DOCK4: variants seen among roughly 807,000 people sequenced by gnomAD.
DOCK4 encodes the protein dedicator of cytokinesis protein 4.
In DOCK4, 97 loss-of-function variants were observed where a neutral mutation model predicts 268.1. The ratio of observed to expected loss-of-function variants is 0.36; its 90% CI spans 0.31 to 0.43. DOCK4 has a LOEUF of 0.43. Among genes scored for constraint, DOCK4 ranks in the 20% least tolerant of loss-of-function variants. The probability of loss-of-function intolerance (pLI) is 1.00; values close to 1 mark genes in which losing one functional copy is unlikely to be tolerated. For synonymous variants in DOCK4, 954 were observed against 887.2 expected (o/e 1.08, Z -1.34); for missense variants, 2,145 against 2,455.7 (o/e 0.87, Z 2.67).
chr7:111,748,215 T>C (rs1796402134), intron 42 of DOCK4, among the ~76,000 whole-genome samples: 1 of 152,150 alleles, frequency 6.6e-6, no homozygotes, highest in Non-Finnish European at 1.5e-5. Flanking sequence ...TATTGGTTCA[T>C]TCAGGCAAGG....
At chr7:112,031,662 A>T (rs1393444193) in intron 1 of DOCK4, among the ~76,000 whole-genome samples, 10 of 152,160 alleles carry the variant, frequency 6.6e-5, no homozygotes, top group Non-Finnish European at 2.9e-5. Flanking sequence ...CTTTTTTGAA[A>T]GAGAATTTGC....
At chr7:112,201,331 G>T (rs1820916673) in intron 1 of DOCK4, among the ~76,000 whole-genome samples, 1 of 152,134 alleles carries the variant, frequency 6.6e-6, no homozygotes, top group Admixed American at 6.5e-5. Context: ...TTTATGTGAT[G>T]ACTGAGTGAT....
intron 12 of DOCK4, among the ~76,000 whole-genome samples, chr7:111,925,282 G>A (rs993514282): frequency 1.3e-5 from 2 of 152,144 alleles, no homozygotes; most frequent in African/African-American, 4.8e-5. Flanking sequence ...CTCAAAGCCA[G>A]TGAAAACTTT....
rs76049083 is a variant in DOCK4 at position 112,037,401 on chromosome 7, T to C, written c.38-33270A>G. Among the ~76,000 whole-genome samples, 257 of 152,340 alleles carry C rather than the reference T, an allele frequency of 1.7e-3. 1 individual carries two copies. The highest frequency in any genetic ancestry group is 6.0e-3 in the African/African-American group (249 of 41,586). ...TTTAACCAATGCCCCAACTAGGATATAGAATGTTACCATCATCCCAGAAAC... is the reference window on the plus strand; with the variant it reads ...TTTAACCAATGCCCCAACTAGGATACAGAATGTTACCATCATCCCAGAAAC... On this transcript the variant is annotated intron_variant, in intron 1 of 52. Transcript: ENST00000428084.
At chr7:111,791,069 A>ATT (rs1230429327) in intron 30 of DOCK4, among the ~76,000 whole-genome samples, 15 of 83,948 alleles carry the variant, frequency 1.8e-4, no homozygotes, top group South Asian at 6.1e-4. Flanking sequence ...AAAAAAAAAA[A>ATT]TTATATATAT....
rs73717922 is a variant in DOCK4, at chr7:111,969,441, C to A, written c.701+7691G>T. ...AAACTCATTTTTTCTATTAAAAAAA[C>A]AAAAAAACAAAAAAACAGTGATTTG... On this transcript the variant is annotated intron_variant, in intron 8 of 52. Coordinates refer to ENST00000428084, the MANE Select transcript of DOCK4 (RefSeq NM_001363540.2). 7.8e-3 allele frequency among the ~76,000 whole-genome samples: 632 copies of A among 81,052 alleles called. 13 individuals are homozygous for A. Among genetic ancestry groups the A allele is most frequent in the African/African-American group, 0.044 (537 of 12,322 alleles). 53.2% of individuals were successfully genotyped at this position (81,052 alleles called of 152,430 possible).
rs149657674 is a variant in DOCK4 at position 112,040,011 on chromosome 7, G to A, written c.38-35880C>T. 4.5e-3 allele frequency among the ~76,000 whole-genome samples: 685 copies of A among 152,214 alleles called. 8 individuals are homozygous for A. Among genetic ancestry groups the A allele is most frequent in the African/African-American group, 0.016 (650 of 41,538 alleles). On this transcript the variant is annotated intron_variant, in intron 1 of 52. Coordinates refer to ENST00000428084, the MANE Select transcript of DOCK4 (RefSeq NM_001363540.2). ...ACTAATAAAATGTAAGTGGTTTGGGGCCCAGACTTATAACTTACCTTGCAT... is the reference window on the plus strand; with the variant it reads ...ACTAATAAAATGTAAGTGGTTTGGGACCCAGACTTATAACTTACCTTGCAT...
intron 1 of DOCK4, among the ~76,000 whole-genome samples, chr7:112,031,710 T>A (rs1442996981): frequency 6.6e-6 from 1 of 152,206 alleles, no homozygotes; most frequent in Non-Finnish European, 1.5e-5. Context: ...TTCAAATTAA[T>A]CTTATTGCCA....
intron 1 of DOCK4, among the ~76,000 whole-genome samples, chr7:112,103,553 T>C (rs1810872742): frequency 6.6e-6 from 1 of 152,222 alleles, no homozygotes; most frequent in South Asian, 2.1e-4. Flanking sequence ...TGGGAAAGCA[T>C]AGATTGGTGA....
chr7:112,179,251 T>C (rs1401127286), intron 1 of DOCK4, among the ~76,000 whole-genome samples: 11 of 152,034 alleles, frequency 7.2e-5, no homozygotes, highest in Admixed American at 7.2e-4. Flanking sequence ...CCCGGTGTGG[T>C]GGCATATGCC....
rs553406315 is a variant in DOCK4, at chr7:112,191,374, T to G, written c.37+14728A>C. On this transcript the variant is annotated intron_variant, in intron 1 of 52. Coordinates refer to ENST00000428084, the MANE Select transcript of DOCK4 (RefSeq NM_001363540.2). ...TGGTCCTTGGCTCCCATTTCCCTAT[T>G]TCTCCCCACCCCTCTAGTACCCATC... 3.3e-5 allele frequency among the ~76,000 whole-genome samples: 5 copies of G among 152,068 alleles called. No individual in the cohort carries two copies. In the East Asian group the frequency reaches 9.7e-4, roughly 29 times the overall value.
At chr7:112,195,775 T>C (rs2523027) in intron 1 of DOCK4, among the ~76,000 whole-genome samples, 3,731 of 152,204 alleles carry the variant, frequency 0.025, 163 homozygotes, top group African/African-American at 0.084. Flanking sequence ...TTTTGGTTAA[T>C]GTCCAATTGA....
intron 25 of DOCK4, chr7:111,840,745 G>A: frequency 1.7e-6 from 2 of 1,203,932 alleles, no homozygotes; most frequent in South Asian, 1.4e-5. Context: ...GCACATTGTG[G>A]GATCTGCGTT....
intron 14 of DOCK4, among the ~76,000 whole-genome samples, chr7:111,901,371 T>C (rs1791131469): frequency 6.9e-6 from 1 of 144,606 alleles, no homozygotes; most frequent in Non-Finnish European, 1.5e-5. Flanking sequence ...TTTTAAGTAA[T>C]AGCTGCTGTA....
intron 13 of DOCK4, among the ~76,000 whole-genome samples, chr7:111,907,489 A>G (rs1791687927): frequency 6.6e-6 from 1 of 152,116 alleles, no homozygotes; most frequent in African/African-American, 2.4e-5. Flanking sequence ...CGTAAGCTTC[A>G]TAATTTGAGA....
At chr7:111,760,621 T>C (rs1797329360) in intron 39 of DOCK4, among the ~76,000 whole-genome samples, 1 of 152,114 alleles carries the variant, frequency 6.6e-6, no homozygotes, top group Non-Finnish European at 1.5e-5. Flanking sequence ...AACAAAACAA[T>C]TGTATCCCTC....
intron 1 of DOCK4, among the ~76,000 whole-genome samples, chr7:112,164,757 C>A (rs1332710730): frequency 6.6e-6 from 1 of 152,164 alleles, no homozygotes; most frequent in African/African-American, 2.4e-5. Context: ...ATCTTTGTGA[C>A]CATCCTGAAG....
intron 5 of DOCK4, among the ~76,000 whole-genome samples, 171 bp from the exon 6 acceptor site, chr7:111,989,334 G>A (rs866665700): frequency 5.9e-5 from 9 of 152,134 alleles, no homozygotes; most frequent in South Asian, 2.1e-4. Flanking sequence ...AAACACACTC[G>A]CTGCCTTCTC....
chr7:111,867,908 G>A (rs868440721), intron 22 of DOCK4, 76 bp downstream of exon 22: 4 of 1,288,172 alleles, frequency 3.1e-6, no homozygotes, highest in Non-Finnish European at 4.0e-6. Context: ...GAAAACATTT[G>A]ATTACGCTGC....
Sources: allele counts gnomAD v4.1 joint callset (sites outside exome capture counted in the v4.1 genomes callset), GRCh38; gene constraint gnomAD v4.1.1; transcripts MANE v1.5; gene names NCBI Gene and HGNC (gene_info 2026-07-23, HGNC 2026-07-21).